The following KMT2C variants were observed in gnomAD, a reference collection of about 807,000 sequenced individuals.
KMT2C encodes the protein histone-lysine N-methyltransferase 2C.
Under a neutral mutation model 507.9 loss-of-function variants are expected in KMT2C, and 88 were observed. The observed-to-expected ratio is 0.17, with a 90% CI of 0.15 to 0.21. The LOEUF (loss-of-function observed/expected upper bound fraction) is 0.21, where lower values mean the gene tolerates loss of function less well. KMT2C is among the 10% of genes least tolerant of loss of function. The pLI, the probability that KMT2C is intolerant of heterozygous loss-of-function variation, is 1.00. For missense variants in KMT2C, 4,954 were observed against 5,957.8 expected, an observed-to-expected ratio of 0.83 and a Z score of 5.55; for synonymous variants, 2,049 against 2,080.8, an observed-to-expected ratio of 0.98 and a Z score of 0.42.
rs1035538964 is a variant in KMT2C, at chr7:152,181,637, G to A, written c.6223C>T (p.Pro2075Ser). 2 of 1,614,074 alleles carry A rather than the reference G, an allele frequency of 1.2e-6. No individual in the cohort carries two copies. The highest frequency in any genetic ancestry group is 2.2e-5 in the East Asian group (1 of 44,880). ...TCTATAGGTCTTGGTGTCAAAGCAG[G>A]CCTTTCATAAGGGTCAACAGACAAT... is the stretch of plus-strand genomic sequence containing the variant. Reference protein sequence around the residue: ...RRLSVDPYERPALTPRPIDNF... With the variant: ...RRLSVDPYERSALTPRPIDNF... Residue 2075 changes from proline to serine, a missense_variant, in exon 36 of 59, where the codon CCT (proline) becomes TCT (serine). Pro to Ser is a moderately conservative substitution (Grantham distance 74). Coordinates refer to ENST00000262189, the MANE Select transcript of KMT2C (RefSeq NM_170606.3).
intron 16 of KMT2C, among the ~76,000 whole-genome samples, chr7:152,232,229 G>A (rs1211750986): frequency 2.0e-5 from 3 of 152,202 alleles, no homozygotes; most frequent in Admixed American, 1.3e-4. Flanking sequence ...GCAATTTATA[G>A]TCATATGAAC....
chr7:152,240,891 C>T (rs1398402024), intron 14 of KMT2C, among the ~76,000 whole-genome samples: 1 of 152,176 alleles, frequency 6.6e-6, no homozygotes, highest in Non-Finnish European at 1.5e-5. Flanking sequence ...TATGCTTCTC[C>T]GACCCTGCAT....
intron 23 of KMT2C, among the ~76,000 whole-genome samples, chr7:152,216,711 T>C (rs1445974100): frequency 3.3e-5 from 5 of 152,228 alleles, no homozygotes; most frequent in African/African-American, 4.8e-5. Flanking sequence ...AGAATAATTG[T>C]GGCAGACAAT....
chr7:152,396,361 G>A (rs550893173), intron 1 of KMT2C, among the ~76,000 whole-genome samples: 16 of 152,256 alleles, frequency 1.1e-4, no homozygotes, highest in Admixed American at 9.8e-4. Context: ...TCAAGAAATC[G>A]AGATAATAAC....
At position 152,195,956 on chromosome 7, in the gene KMT2C, G is replaced by A. The variant is rs767306605; in HGVS notation, c.4329C>T (p.Asp1443=). ...DISEVLNTDD[D]ILGIISDDLA... ...GATCATCTGAAATTATTCCAAGAAT[G>A]TCATCATCTGTGTTTAAAACTTCAG... Residue 1443 remains aspartate, a synonymous_variant, in exon 28 of 59, where the codon GAC becomes GAT. Transcript: ENST00000262189. 10 of 1,610,134 alleles carry A rather than the reference G, an allele frequency of 6.2e-6. No homozygotes were observed. The South Asian group carries it at 6.6e-5, about 11-fold the overall frequency.
At chr7:152,275,932 G>A (rs1017377128) in intron 6 of KMT2C, among the ~76,000 whole-genome samples, 12 of 152,154 alleles carry the variant, frequency 7.9e-5, no homozygotes, top group African/African-American at 2.4e-4. Flanking sequence ...TATAATGAGA[G>A]GTAAGTATAT....
In KMT2C at chr7:152,138,549, T is replaced by C. The variant is rs2090145621; in HGVS notation, c.14643+247A>G. ...TACCACCTGGGTGCCATGGGGATGCTGAACCCGTGGCACAGAAGGGAAGGG... is the reference window on the plus strand; with the variant it reads ...TACCACCTGGGTGCCATGGGGATGCCGAACCCGTGGCACAGAAGGGAAGGG... On this transcript the variant is annotated intron_variant, in intron 58 of 58. Transcript: ENST00000262189. The surrounding 1 kb of genome is among the most constrained non-coding windows in gnomAD (Gnocchi z 4.2). The C allele has an allele frequency of 1.1e-5, 4 of 380,412 alleles. No homozygotes were observed. The highest frequency in any genetic ancestry group is 1.9e-5 in the Non-Finnish European group (4 of 210,292). The allele number at this position is 380,412 out of a possible 1,614,324, so 23.6% of individuals were successfully genotyped here. A position where few individuals can be genotyped will look rare whatever the true frequency, so the allele number is the denominator to read the frequency against.
chr7:152,409,791 T>G (rs2097662557), intron 1 of KMT2C, among the ~76,000 whole-genome samples: 1 of 152,274 alleles, frequency 6.6e-6, no homozygotes, highest in South Asian at 2.1e-4. Context: ...GACCAGAGGT[T>G]TTATTTCTTG....
At chr7:152,297,016 A>AGAAAGAAG (rs2096508637) in intron 6 of KMT2C, among the ~76,000 whole-genome samples, 4 of 91,070 alleles carry the variant, frequency 4.4e-5, no homozygotes, top group African/African-American at 2.3e-4. Flanking sequence ...AAAGAAAGAA[A>AGAAAGAAG]GAAAGAAAGA....
chr7:152,320,923 TATA>T (rs2096767572), intron 3 of KMT2C, among the ~76,000 whole-genome samples: 1 of 152,008 alleles, frequency 6.6e-6, no homozygotes, highest in South Asian at 2.1e-4. Context: ...ACTAAAAATG[TATA>T]ATAAATGGAT....
intron 3 of KMT2C, among the ~76,000 whole-genome samples, chr7:152,325,806 C>T (rs1338181206): frequency 2.6e-5 from 4 of 152,058 alleles, no homozygotes; most frequent in African/African-American, 9.7e-5. Context: ...TTCCTTACCC[C>T]AAAGCAATGA....
At chr7:152,192,761 AC>A (rs1248460641) in intron 31 of KMT2C, among the ~76,000 whole-genome samples, 1 of 152,212 alleles carries the variant, frequency 6.6e-6, no homozygotes, top group Non-Finnish European at 1.5e-5. Flanking sequence ...CAAATTATTC[AC>A]ACACTTTGGC....
intron 9 of KMT2C, among the ~76,000 whole-genome samples, chr7:152,256,413 A>C (rs1414214322): frequency 6.6e-6 from 1 of 152,094 alleles, no homozygotes; most frequent in Non-Finnish European, 1.5e-5. Context: ...AAAAGTAAAA[A>C]ATTAGCTGGG....
chr7:152,411,379 G>A (rs1589834033), intron 1 of KMT2C, among the ~76,000 whole-genome samples: 1 of 152,200 alleles, frequency 6.6e-6, no homozygotes, highest in East Asian at 1.9e-4. Context: ...TGATCTCATG[G>A]CAGGGCCCAC....
intron 14 of KMT2C, chr7:152,239,209 T>G (rs2095339113): frequency 5.6e-6 from 1 of 178,082 alleles, no homozygotes; most frequent in Non-Finnish European, 1.2e-5. Flanking sequence ...ATTTTTCTTC[T>G]AACAACTATC....
At chr7:152,388,168 T>C (rs2097450289) in intron 1 of KMT2C, among the ~76,000 whole-genome samples, 1 of 152,212 alleles carries the variant, frequency 6.6e-6, no homozygotes, top group Non-Finnish European at 1.5e-5. Flanking sequence ...TATAAATATA[T>C]ATAATTTCAT....
chr7:152,383,896 T>G (rs938228780), intron 1 of KMT2C, among the ~76,000 whole-genome samples: 1 of 151,940 alleles, frequency 6.6e-6, no homozygotes, highest in Non-Finnish European at 1.5e-5. Context: ...ACGTGAAGAG[T>G]TGTGCTGCTA....
At chr7:152,355,638 T>C (rs2097145634) in intron 2 of KMT2C, among the ~76,000 whole-genome samples, 1 of 149,540 alleles carries the variant, frequency 6.7e-6, no homozygotes. Context: ...CTCCTGAGAG[T>C]GGTTAGCTGT....
At chr7:152,208,113 GATCT>G (rs1258263341) in intron 23 of KMT2C, among the ~76,000 whole-genome samples, 2 of 152,054 alleles carry the variant, frequency 1.3e-5, no homozygotes, top group African/African-American at 4.8e-5. Flanking sequence ...CTGCATAAAT[GATCT>G]TTCTATAAAT....
Sources: gnomAD v4.1 joint callset for allele counts (sites outside exome capture counted in the v4.1 genomes callset) on GRCh38, gnomAD v4.1.1 for gene constraint, Gnocchi (gnomAD v3.1) non-coding constraint, MANE v1.5 for transcripts, NCBI Gene and HGNC (gene_info 2026-07-23, HGNC 2026-07-21) for gene names.